The following NIPBL variants were observed in gnomAD, a reference collection of about 807,000 sequenced individuals.
The protein encoded by NIPBL is nipped-B-like protein.
Under a neutral mutation model 321.8 loss-of-function variants are expected in NIPBL, and 19 were observed. The ratio of observed to expected loss-of-function variants is 0.06; its 90% CI spans 0.04 to 0.09. The LOEUF (loss-of-function observed/expected upper bound fraction) is 0.09. NIPBL is among the 10% of genes least tolerant of loss of function. The pLI is 1.00. For synonymous variants in NIPBL, 1,106 were observed against 1,114.1 expected, an observed-to-expected ratio of 0.99 and a Z score of 0.14; for missense variants, 2,210 against 3,327.0, an observed-to-expected ratio of 0.66 and a Z score of 8.26.
At chr5:36,956,986 T>C (rs1454861332) in intron 3 of NIPBL, among the ~76,000 whole-genome samples, 1 of 151,956 alleles carries the variant, frequency 6.6e-6, no homozygotes, top group African/African-American at 2.4e-5. Context: ...TATTTAAAGA[T>C]GTAAAGGAAA....
At chr5:36,885,524 C>T in intron 1 of NIPBL, 3 of 516,132 alleles carry the variant, frequency 5.8e-6, no homozygotes, top group Non-Finnish European at 1.2e-5. Flanking sequence ...GAACCAGAGA[C>T]TGGAGAGCAA....
At chr5:37,050,308 A>G (rs1561213205) in intron 40 of NIPBL, among the ~76,000 whole-genome samples, 1 of 152,084 alleles carries the variant, frequency 6.6e-6, no homozygotes, top group Non-Finnish European at 1.5e-5. Flanking sequence ...TACTAAAAAT[A>G]CAAAAATTAG....
At chr5:36,887,093 G>T (rs926522425) in intron 1 of NIPBL, among the ~76,000 whole-genome samples, 2 of 151,590 alleles carry the variant, frequency 1.3e-5, no homozygotes, top group South Asian at 4.2e-4. Context: ...TTTACCCCTC[G>T]ACCCCCAAAT....
Position 37,051,886 on chromosome 5 carries a change from T to C in NIPBL, c.7062T>C (p.His2354=). 1 of 1,600,694 alleles carries C rather than the reference T, an allele frequency of 6.2e-7. No homozygotes were observed. Among genetic ancestry groups the C allele is most frequent in the Non-Finnish European group, 8.6e-7 (1 of 1,167,776 alleles). The part of the protein sequence containing the change: ...EIDKKYAGFI[H]MKAVAGMKMS... The stretch of plus-strand genomic sequence containing the variant: ...ACAAAAAATATGCTGGATTCATTCA[T>C]GTATGTATTTTAACATTTTATAACC... The change falls in exon 41 of 47, where the codon CAT becomes CAC. Residue 2354 remains histidine (H), a splice_region_variant and synonymous_variant. Transcript: ENST00000282516.
At chr5:36,970,633 A>G (rs1229387890) in intron 6 of NIPBL, among the ~76,000 whole-genome samples, 1 of 151,968 alleles carries the variant, frequency 6.6e-6, no homozygotes, top group Non-Finnish European at 1.5e-5. Flanking sequence ...AAGGAAAGGA[A>G]TAGAGGAGAG....
At chr5:36,932,276 TG>T (rs1484170413) in intron 1 of NIPBL, among the ~76,000 whole-genome samples, 2 of 152,190 alleles carry the variant, frequency 1.3e-5, no homozygotes. Context: ...CTGATAGTGT[TG>T]CTGAAGTTTT....
Position 37,065,104 on chromosome 5 carries a change from C to T in NIPBL, c.*212C>T. On this transcript the variant is annotated 3_prime_UTR_variant, in exon 47 of 47. Coordinates refer to ENST00000282516, the MANE Select transcript of NIPBL (RefSeq NM_133433.4). The stretch of plus-strand genomic sequence containing the variant: ...AACAGATTCTCAGTTCATTTTTACT[C>T]CCACTGTATTATAGTTTAACAAAAA... The T allele has an allele frequency of 3.3e-6, 2 of 606,686 alleles. No homozygotes were observed. The highest frequency in any genetic ancestry group is 4.0e-5 in the South Asian group (2 of 49,984). 37.6% of individuals were successfully genotyped at this position (606,686 alleles called of 1,614,324 possible). A position where few individuals can be genotyped will look rare whatever the true frequency, so the allele number is the denominator to read the frequency against.
chr5:36,905,309 G>A (rs1430672186), intron 1 of NIPBL, among the ~76,000 whole-genome samples: 1 of 152,122 alleles, frequency 6.6e-6, no homozygotes, highest in Non-Finnish European at 1.5e-5. Context: ...TTTCTGTGTT[G>A]GTTCTGACGC....
intron 1 of NIPBL, among the ~76,000 whole-genome samples, chr5:36,890,634 T>C (rs1173914846): frequency 6.6e-6 from 1 of 152,226 alleles, no homozygotes; most frequent in Non-Finnish European, 1.5e-5. Flanking sequence ...TAAACTGCTA[T>C]TAGCCAAGTG....
chr5:36,966,504 G>A lies in NIPBL; in HGVS notation c.610+4230G>A, dbSNP rs1210174312. On this transcript the variant is annotated intron_variant, in intron 6 of 46. Coordinates refer to ENST00000282516, the MANE Select transcript of NIPBL (RefSeq NM_133433.4). The stretch of plus-strand genomic sequence containing the variant: ...ATGGTCTCAGTATCAGTGGTGTTTA[G>A]GTGGTGAACCTCTCTTTATTGTAAA... Among the ~76,000 whole-genome samples, 5 of 152,050 alleles carry A rather than the reference G, an allele frequency of 3.3e-5. 1 individual carries two copies. The South Asian group carries it at 1.0e-3, about 32-fold the overall frequency.
At chr5:36,994,654 T>C (rs920204928) in intron 10 of NIPBL, among the ~76,000 whole-genome samples, 2 of 152,142 alleles carry the variant, frequency 1.3e-5, no homozygotes, top group African/African-American at 4.8e-5. Context: ...ATACTTCCAC[T>C]CAAAGTAAGT....
Position 37,044,740 on chromosome 5 carries a change from T to C in NIPBL, c.6343+11T>C. The C allele has an allele frequency of 6.3e-7, 1 of 1,584,598 alleles. No individual in the cohort carries two copies. Among genetic ancestry groups the C allele is most frequent in the Non-Finnish European group, 8.7e-7 (1 of 1,153,146 alleles). ...TCAATAGATACTATGGTAAGTTCAA[T>C]ACCAGGGTTTTAAAATTATTCTGCT... On this transcript the variant is annotated intron_variant, in intron 36 of 46. Transcript: ENST00000282516.
chr5:36,962,250 A>T lies in NIPBL; in HGVS notation c.586A>T (p.Thr196Ser). ...YMPYSHPSSY[T>S]THPQMQQASV... ...GCCATATTCCCATCCTTCAAGTTAC[A>T]CAACACATCCACAGATGCAACAAGG... The change falls in exon 6 of 47, where the codon ACA becomes TCA. Residue 196 changes from threonine (T) to serine (S), a missense_variant. This residue lies in a region of NIPBL where 464 missense variants were observed against 529.5 expected (regional missense o/e 0.88). Coordinates refer to ENST00000282516, the MANE Select transcript of NIPBL (RefSeq NM_133433.4). The T allele has an allele frequency of 6.2e-7, 1 of 1,614,118 alleles. No homozygotes were observed. Among genetic ancestry groups the T allele is most frequent in the South Asian group, 1.1e-5 (1 of 91,086 alleles).
chr5:36,879,383 A>G (rs1745340586), intron 1 of NIPBL, among the ~76,000 whole-genome samples: 1 of 152,214 alleles, frequency 6.6e-6, no homozygotes, highest in South Asian at 2.1e-4. Context: ...TGTGAGTAAT[A>G]TAGGTTGTGT....
At chr5:37,024,029 G>C (rs964334465) in intron 29 of NIPBL, among the ~76,000 whole-genome samples, 4 of 151,946 alleles carry the variant, frequency 2.6e-5, no homozygotes, top group African/African-American at 9.7e-5. Flanking sequence ...GCCAGGCGTG[G>C]TGGTATGCAC....
chr5:36,958,257 C>T, intron 4 of NIPBL, 26 bp downstream of exon 4: 8 of 1,610,430 alleles, frequency 5.0e-6, no homozygotes, highest in Middle Eastern at 1.7e-4. Context: ...ACTGAATTCC[C>T]ATATCAAACT....
At chr5:37,013,892 C>T (rs1369610741) in intron 21 of NIPBL, among the ~76,000 whole-genome samples, 7 of 152,236 alleles carry the variant, frequency 4.6e-5, no homozygotes, top group African/African-American at 1.2e-4. Flanking sequence ...GCCGAGATCA[C>T]GCCACTGCAC....
At position 36,996,347 on chromosome 5, in the gene NIPBL, A is replaced by AC. The variant is rs1183780210; in HGVS notation, c.3304+545dup. ...ATAGCCAGATGAAGAAATATTTAAAACCATACTATCACTAAATTATGAATG... is the reference window on the plus strand; with the variant it reads ...ATAGCCAGATGAAGAAATATTTAAAACCCATACTATCACTAAATTATGAATG... On this transcript the variant is annotated intron_variant, in intron 11 of 46. Coordinates refer to ENST00000282516, the MANE Select transcript of NIPBL (RefSeq NM_133433.4). The surrounding 1 kb of genome is among the most constrained non-coding windows in gnomAD (Gnocchi z 5.0). 1 of 451,232 alleles carries AC rather than the reference A, an allele frequency of 2.2e-6. No individual in the cohort carries two copies. The highest frequency in any genetic ancestry group is 2.0e-5 in the African/African-American group (1 of 49,872). The allele number at this position is 451,232 out of a possible 1,614,324, so 28.0% of individuals were successfully genotyped here.
chr5:37,039,946 G>C (rs183336735), intron 34 of NIPBL, among the ~76,000 whole-genome samples: 133 of 152,166 alleles, frequency 8.7e-4, no homozygotes, highest in African/African-American at 3.1e-3. Flanking sequence ...TTTTAGCACA[G>C]TACCAAGCAC....
Sources: allele counts gnomAD v4.1 joint callset (sites outside exome capture counted in the v4.1 genomes callset), GRCh38; gene constraint gnomAD v4.1.1; regional missense constraint gnomAD v4.1.1; non-coding constraint Gnocchi (gnomAD v3.1); transcripts MANE v1.5; gene names NCBI Gene and HGNC (gene_info 2026-07-23, HGNC 2026-07-21).